Variants in DNTTIP1 observed in about 807,000 individuals in gnomAD.
DNTTIP1 encodes the protein deoxynucleotidyltransferase terminal interacting protein 1, also known as deoxynucleotidyltransferase terminal-interacting protein 1.
In DNTTIP1, 22 loss-of-function variants were observed where a neutral mutation model predicts 52.9. That is an observed-to-expected ratio of 0.42 (90% CI 0.30 to 0.59). The LOEUF (loss-of-function observed/expected upper bound fraction) is 0.59. DNTTIP1 is among the 20% of genes least tolerant of loss of function. DNTTIP1 has a pLI of 0.22. For missense variants in DNTTIP1, 286 were observed against 435.5 expected, an observed-to-expected ratio of 0.66 and a Z score of 3.06; for synonymous variants, 136 against 155.1, an observed-to-expected ratio of 0.88 and a Z score of 0.92.
chr20:45,792,086 G>T lies in DNTTIP1; in HGVS notation c.82G>T (p.Ala28Ser). ...RGGLELGDAGAAGQLVLTNPW... is the reference protein window; with the variant it reads ...RGGLELGDAGSAGQLVLTNPW... The stretch of plus-strand genomic sequence containing the variant: ...CGGCTTGGAGCTGGGGGATGCGGGC[G>T]CAGCGGGGCAGCTGGTTCTTACGGT... The change falls in exon 1 of 13, where the codon GCA becomes TCA. Residue 28 changes from alanine (A) to serine (S), a missense_variant. Ala to Ser is a moderately conservative substitution (Grantham distance 99). Coordinates refer to ENST00000372622, the MANE Select transcript of DNTTIP1 (RefSeq NM_052951.3). 7.8e-7 allele frequency: 1 copy of T among 1,285,836 alleles called. No individual in the cohort carries two copies. The highest frequency in any genetic ancestry group is 9.8e-7 in the Non-Finnish European group (1 of 1,015,352). 79.7% of individuals were successfully genotyped at this position (1,285,836 alleles called of 1,614,324 possible). A position where few individuals can be genotyped will look rare whatever the true frequency, so the allele number is the denominator to read the frequency against.
intron 8 of DNTTIP1, 52 bp from the exon 9 acceptor site, chr20:45,805,094 C>T (rs149931759): frequency 1.4e-3 from 2,034 of 1,497,014 alleles, no homozygotes; most frequent in Non-Finnish European, 1.5e-3. Flanking sequence ...TGTTTCTGTC[C>T]TACCCATCAG....
chr20:45,809,063 A>G lies in DNTTIP1; in HGVS notation c.724-51A>G, dbSNP rs749639224. 7 of 1,534,342 alleles carry G rather than the reference A, an allele frequency of 4.6e-6. No homozygotes were observed. The South Asian group carries it at 7.8e-5, about 17-fold the overall frequency. ...CAAGAGTATGCTCTGGGACCAAATGAGAAAAGCCCCTTACCCGAGGCTAAT... is the reference window on the plus strand; with the variant it reads ...CAAGAGTATGCTCTGGGACCAAATGGGAAAAGCCCCTTACCCGAGGCTAAT... On this transcript the variant is annotated intron_variant, in intron 10 of 12. Coordinates refer to ENST00000372622, the MANE Select transcript of DNTTIP1 (RefSeq NM_052951.3). This position sits in a 1 kb window ranked among gnomAD's most constrained non-coding sequence, Gnocchi z 4.2.
intron 4 of DNTTIP1, chr20:45,796,375 T>C (rs1382345901): frequency 2.5e-6 from 1 of 404,816 alleles, no homozygotes; most frequent in Non-Finnish European, 5.0e-6. Context: ...AAAAAAATTT[T>C]TAAAAGCAAA....
chr20:45,803,193 C>T, intron 7 of DNTTIP1, 140 bp from the exon 8 acceptor site: 3 of 763,580 alleles, frequency 3.9e-6, no homozygotes, highest in Non-Finnish European at 6.5e-6. Flanking sequence ...CTTTGTTCCT[C>T]CTCTTATGTG....
At chr20:45,799,268 A>G (rs973815812) in intron 4 of DNTTIP1, among the ~76,000 whole-genome samples, 2 of 152,252 alleles carry the variant, frequency 1.3e-5, no homozygotes, top group East Asian at 3.8e-4. Flanking sequence ...AAAAGCCAGC[A>G]AAGAAGGCTA....
At chr20:45,794,171 CAG>C (rs1395892851) in intron 3 of DNTTIP1, among the ~76,000 whole-genome samples, 154 bp downstream of exon 3, 1 of 152,158 alleles carries the variant, frequency 6.6e-6, no homozygotes, top group Non-Finnish European at 1.5e-5. Context: ...GTTTTTGAGA[CAG>C]ATTCTCACTC....
rs1981426172 is a variant in DNTTIP1, at chr20:45,800,697, ATATATAT to A, written c.373-376_373-370del. Among the ~76,000 whole-genome samples the A allele has an allele frequency of 5.8e-3, 34 of 5,836 alleles. 2 individuals carry two copies. The highest frequency in any genetic ancestry group is 6.9e-3 in the Non-Finnish European group (14 of 2,034). 3.8% of individuals were successfully genotyped at this position (5,836 alleles called of 152,430 possible). A position where few individuals can be genotyped will look rare whatever the true frequency, so the allele number is the denominator to read the frequency against. On this transcript the variant is annotated intron_variant, in intron 4 of 12. Transcript: ENST00000372622. ...CTCAATTTAAAAAAAAAAAAAAAAT[ATATATAT>A]ATATATATATATATATATATATATA...
At chr20:45,808,636 G>T (rs114591615) in intron 10 of DNTTIP1, among the ~76,000 whole-genome samples, 1 of 152,116 alleles carries the variant, frequency 6.6e-6, no homozygotes, top group African/African-American at 2.4e-5. Context: ...GTGAAACTCC[G>T]TCTCAATCGA....
At position 45,792,082 on chromosome 20, in the gene DNTTIP1, G is replaced by T; in HGVS notation, c.78G>T (p.Ala26=). 1 of 1,286,032 alleles carries T rather than the reference G, an allele frequency of 7.8e-7. No homozygotes were observed. Among genetic ancestry groups the T allele is most frequent in the Non-Finnish European group, 9.8e-7 (1 of 1,015,510 alleles). 79.7% of individuals were successfully genotyped at this position (1,286,032 alleles called of 1,614,324 possible). Residue 26 remains alanine, a synonymous_variant, in exon 1 of 13, where the codon GCG becomes GCT. Transcript: ENST00000372622. ...GGGGCGGCTTGGAGCTGGGGGATGC[G>T]GGCGCAGCGGGGCAGCTGGTTCTTA... ...AERGGLELGD[A]GAAGQLVLTN...
chr20:45,805,317 T>TG lies in DNTTIP1; in HGVS notation c.680dup (p.Thr228HisfsTer14), dbSNP rs768775564. ...CTTTTACTTTTCAGAGCCCTGGGGA[T>TG]GGGGGGCACCAGAGGAAGAATCTAC... On this transcript the variant is annotated frameshift_variant, in exon 10 of 13. Transcript: ENST00000372622. LOFTEE classifies it high-confidence loss of function. 5 of 1,614,116 alleles carry TG rather than the reference T, an allele frequency of 3.1e-6. No individual in the cohort carries two copies. The highest frequency in any genetic ancestry group is 3.4e-6 in the Non-Finnish European group (4 of 1,180,020).
intron 7 of DNTTIP1, chr20:45,803,122 A>T: frequency 1.9e-6 from 1 of 538,512 alleles, no homozygotes; most frequent in Non-Finnish European, 3.3e-6. Context: ...GGAGTTGCTC[A>T]TGCCACTATG....
At chr20:45,798,161 G>A (rs1204804022) in intron 4 of DNTTIP1, among the ~76,000 whole-genome samples, 1 of 152,136 alleles carries the variant, frequency 6.6e-6, no homozygotes, top group Non-Finnish European at 1.5e-5. Flanking sequence ...CATAAAAAGT[G>A]ATGAGTTCAT....
At chr20:45,792,612 C>CCTCCA in intron 1 of DNTTIP1, 65 bp from the exon 2 acceptor site, 1 of 1,313,852 alleles carries the variant, frequency 7.6e-7, no homozygotes, top group Non-Finnish European at 1.0e-6. Flanking sequence ...TCATACCCAC[C>CCTCCA]CTCCACCTCC....
chr20:45,808,859 G>C (rs1405501451), intron 10 of DNTTIP1, among the ~76,000 whole-genome samples: 31 of 152,128 alleles, frequency 2.0e-4, no homozygotes, highest in Admixed American at 2.0e-3. Context: ...AGTCCCACCA[G>C]TTGCCCGGGG....
intron 10 of DNTTIP1, 87 bp downstream of exon 10, chr20:45,805,453 C>A: frequency 7.0e-7 from 1 of 1,435,570 alleles, no homozygotes; most frequent in African/African-American, 1.4e-5. Context: ...AGAACAAACA[C>A]TGATCTTGGA....
At chr20:45,800,384 A>G (rs977725317) in intron 4 of DNTTIP1, among the ~76,000 whole-genome samples, 67 of 152,034 alleles carry the variant, frequency 4.4e-4, no homozygotes, top group Admixed American at 7.9e-4. Flanking sequence ...AAATATATAT[A>G]TGTGTGTGGC....
chr20:45,800,663 A>G (rs1462085795), intron 4 of DNTTIP1, among the ~76,000 whole-genome samples: 1 of 119,174 alleles, frequency 8.4e-6, no homozygotes, highest in Non-Finnish European at 1.7e-5. Context: ...GACAAGAGTG[A>G]AACTCCATCT....
intron 4 of DNTTIP1, 148 bp downstream of exon 4, chr20:45,795,591 G>A: frequency 1.9e-6 from 1 of 532,832 alleles, no homozygotes. Context: ...TCAAGGCCAG[G>A]AGTTTGAGAC....
intron 11 of DNTTIP1, among the ~76,000 whole-genome samples, chr20:45,810,022 C>CT (rs1352904751): frequency 6.6e-6 from 1 of 151,412 alleles, no homozygotes; most frequent in Non-Finnish European, 1.5e-5. Context: ...AAAAGTAGTT[C>CT]TTTAAAAAAA....
Sources: allele counts gnomAD v4.1 joint callset (sites outside exome capture counted in the v4.1 genomes callset), GRCh38; gene constraint gnomAD v4.1.1; non-coding constraint Gnocchi (gnomAD v3.1); transcripts MANE v1.5; gene names NCBI Gene and HGNC (gene_info 2026-07-23, HGNC 2026-07-21).